NALF1: variants seen among roughly 807,000 people sequenced by gnomAD.
The protein encoded by NALF1 is family with sequence similarity 155 member A.
In NALF1, 3 loss-of-function variants were observed where a neutral mutation model predicts 48.4. The observed-to-expected ratio is 0.06, with a 90% CI of 0.03 to 0.16. The LOEUF is 0.16. Among genes scored for constraint, NALF1 ranks in the 10% least tolerant of loss-of-function variants. NALF1 has a pLI of 1.00. For missense variants in NALF1, 526 were observed against 571.5 expected (o/e 0.92, Z 0.81); for synonymous variants, 262 against 245.7 (o/e 1.07, Z -0.62).
At chr13:107,578,111 A>AC (rs1878204836) in intron 1 of NALF1, among the ~76,000 whole-genome samples, 1 of 152,140 alleles carries the variant, frequency 6.6e-6, no homozygotes, top group Admixed American at 6.5e-5. Context: ...CTCATTGTGT[A>AC]TCCAATCTCC....
intron 1 of NALF1, among the ~76,000 whole-genome samples, chr13:107,331,588 G>A (rs983963764): frequency 6.6e-6 from 1 of 152,136 alleles, no homozygotes; most frequent in Non-Finnish European, 1.5e-5. Flanking sequence ...CCTTGTAGAC[G>A]TTTACATGGT....
chr13:107,555,958 C>T (rs1877461840), intron 1 of NALF1, among the ~76,000 whole-genome samples: 1 of 151,832 alleles, frequency 6.6e-6, no homozygotes. Flanking sequence ...AAATAACTTC[C>T]TTGAGAAATA....
intron 1 of NALF1, among the ~76,000 whole-genome samples, chr13:107,604,527 T>C (rs1172302946): frequency 2.0e-5 from 3 of 152,168 alleles, no homozygotes; most frequent in African/African-American, 4.8e-5. Flanking sequence ...AAGTATAGGA[T>C]GCATTTCAGT....
intron 1 of NALF1, among the ~76,000 whole-genome samples, chr13:107,674,157 A>T (rs780121356): frequency 5.3e-5 from 7 of 132,712 alleles, no homozygotes; most frequent in Non-Finnish European, 1.1e-4. Context: ...TGGAAAGGTT[A>T]AAAAAAAAAA....
intron 1 of NALF1, among the ~76,000 whole-genome samples, chr13:107,312,607 A>C (rs927990499): frequency 6.6e-6 from 1 of 152,164 alleles, no homozygotes; most frequent in East Asian, 1.9e-4. Flanking sequence ...GACATCTCCA[A>C]AACTGTTTTC....
intron 1 of NALF1, among the ~76,000 whole-genome samples, chr13:107,470,945 A>G (rs553034106): frequency 6.6e-6 from 1 of 152,344 alleles, no homozygotes; most frequent in Admixed American, 6.5e-5. Context: ...CAATGAGTCT[A>G]GTTTGCTAAA....
chr13:107,508,677 A>G (rs1218476531), intron 1 of NALF1, among the ~76,000 whole-genome samples: 1 of 152,128 alleles, frequency 6.6e-6, no homozygotes, highest in Non-Finnish European at 1.5e-5. Context: ...TTGCTAAAAA[A>G]GCAGCTTCAC....
At chr13:107,841,281 C>A (rs768413219) in intron 1 of NALF1, among the ~76,000 whole-genome samples, 10 of 152,104 alleles carry the variant, frequency 6.6e-5, no homozygotes, top group Non-Finnish European at 1.2e-4. Context: ...TCTGTCACTG[C>A]CCAAACTACT....
At chr13:107,294,946 G>A (rs1881696516) in intron 1 of NALF1, among the ~76,000 whole-genome samples, 1 of 152,114 alleles carries the variant, frequency 6.6e-6, no homozygotes, top group African/African-American at 2.4e-5. Context: ...GCTTCTGATG[G>A]GTTGGAATCT....
intron 1 of NALF1, among the ~76,000 whole-genome samples, chr13:107,592,889 T>C (rs930479252): frequency 2.0e-5 from 3 of 151,910 alleles, no homozygotes; most frequent in Non-Finnish European, 2.9e-5. Context: ...TCTATACACA[T>C]TCTTTATTTC....
chr13:107,314,020 C>T (rs1205911163), intron 1 of NALF1, among the ~76,000 whole-genome samples: 2 of 152,106 alleles, frequency 1.3e-5, no homozygotes, highest in African/African-American at 4.8e-5. Flanking sequence ...TGATGGAGAC[C>T]TGTCTCAGAT....
intron 2 of NALF1, among the ~76,000 whole-genome samples, chr13:107,200,741 C>T (rs1247061507): frequency 1.2e-4 from 18 of 152,290 alleles, no homozygotes; most frequent in Admixed American, 9.8e-4. Context: ...GAGGAGGTGA[C>T]TTGATCTTGC....
chr13:107,188,353 G>A (rs1020041013), intron 2 of NALF1, among the ~76,000 whole-genome samples: 1 of 151,882 alleles, frequency 6.6e-6, no homozygotes, highest in African/African-American at 2.4e-5. Context: ...AATCTCTAGA[G>A]AATTTGCTAA....
chr13:107,204,742 T>C (rs746232897), intron 2 of NALF1, among the ~76,000 whole-genome samples: 7 of 152,168 alleles, frequency 4.6e-5, no homozygotes, highest in Non-Finnish European at 1.0e-4. Context: ...GGGCATACCA[T>C]CTCCCTTCCC....
At chr13:107,226,662 G>A (rs543822959) in intron 1 of NALF1, among the ~76,000 whole-genome samples, 6 of 152,068 alleles carry the variant, frequency 3.9e-5, no homozygotes, top group African/African-American at 7.2e-5. Flanking sequence ...AATTTGAAAC[G>A]GTGATTTCAA....
intron 1 of NALF1, among the ~76,000 whole-genome samples, chr13:107,303,784 A>G (rs1439573511): frequency 1.3e-5 from 2 of 152,224 alleles, no homozygotes; most frequent in African/African-American, 4.8e-5. Flanking sequence ...AAGCCCACTC[A>G]AAAATACAGT....
chr13:107,765,865 A>G (rs1229981013), intron 1 of NALF1, among the ~76,000 whole-genome samples: 2 of 152,120 alleles, frequency 1.3e-5, no homozygotes, highest in African/African-American at 4.8e-5. Flanking sequence ...CTACTATTAA[A>G]CTTTTATAAA....
intron 1 of NALF1, among the ~76,000 whole-genome samples, chr13:107,283,052 G>A (rs755803693): frequency 1.1e-4 from 17 of 152,224 alleles, no homozygotes; most frequent in Non-Finnish European, 2.5e-4. Flanking sequence ...GGTCAGTACA[G>A]AGGAACGGAC....
intron 1 of NALF1, among the ~76,000 whole-genome samples, chr13:107,319,937 A>C (rs1882221946): frequency 6.6e-6 from 1 of 152,146 alleles, no homozygotes; most frequent in African/African-American, 2.4e-5. Context: ...AATGACCACA[A>C]GGCCAATTTA....
Sources: allele counts gnomAD v4.1 joint callset (sites outside exome capture counted in the v4.1 genomes callset), GRCh38; gene constraint gnomAD v4.1.1; transcripts MANE v1.5; gene names NCBI Gene and HGNC (gene_info 2026-07-23, HGNC 2026-07-21).